The following RESF1 variants were observed in gnomAD, a reference collection of about 807,000 sequenced individuals.
RESF1 encodes gonad expressed transcript.
Under a neutral mutation model 134.7 loss-of-function variants are expected in RESF1, and 65 were observed. That is an observed-to-expected ratio of 0.48 (90% confidence interval 0.40 to 0.59). RESF1 has a LOEUF of 0.59. Among genes scored for constraint, RESF1 ranks in the 20% least tolerant of loss-of-function variants. The pLI is 0.00. For missense variants in RESF1, 2,274 were observed against 2,002.7 expected (o/e 1.14, Z -2.59); for synonymous variants, 762 against 702.2 (o/e 1.09, Z -1.35).
chr12:31,989,017 G>A (rs1187014043), intron 5 of RESF1, among the ~76,000 whole-genome samples: 2 of 151,904 alleles, frequency 1.3e-5, no homozygotes, highest in Non-Finnish European at 2.9e-5. Flanking sequence ...AATTAGTGGA[G>A]TGAAAGTACC....
intron 5 of RESF1, among the ~76,000 whole-genome samples, chr12:31,991,910 C>T (rs1490566705): frequency 6.6e-6 from 1 of 152,166 alleles, no homozygotes; most frequent in Non-Finnish European, 1.5e-5. Flanking sequence ...TAATGTAACA[C>T]TGAAATGGTC....
chr12:31,976,677 C>T (rs1354336153), intron 3 of RESF1, among the ~76,000 whole-genome samples: 1 of 151,388 alleles, frequency 6.6e-6, no homozygotes. Flanking sequence ...AGCGAGACTC[C>T]ATCTCAAAAA....
intron 2 of RESF1, among the ~76,000 whole-genome samples, chr12:31,966,058 G>A (rs1478637547): frequency 6.6e-6 from 1 of 151,990 alleles, no homozygotes; most frequent in Non-Finnish European, 1.5e-5. Context: ...TCTAGTACAC[G>A]GTGTGTCCAA....
chr12:31,984,942 G>C lies in RESF1; in HGVS notation c.3987G>C (p.Gln1329His). The C allele has an allele frequency of 6.2e-7, 1 of 1,613,352 alleles. No homozygotes were observed. The highest frequency in any genetic ancestry group is 8.5e-7 in the Non-Finnish European group (1 of 1,179,838). ...QETRQKKHVTQNSRPLKTKTA... is the reference protein window; with the variant it reads ...QETRQKKHVTHNSRPLKTKTA... ...CCCGACAGAAGAAACATGTAACACAGAACTCACGTCCACTAAAAACAAAAA... is the reference window on the plus strand; with the variant it reads ...CCCGACAGAAGAAACATGTAACACACAACTCACGTCCACTAAAAACAAAAA... Residue 1329 changes from glutamine to histidine, a missense_variant, in exon 4 of 6, where the codon CAG becomes CAC. Coordinates refer to ENST00000312561, the MANE Select transcript of RESF1 (RefSeq NM_018169.4).
rs746818009 is a variant in RESF1 at position 31,987,269 on chromosome 12, G to A, written c.5033G>A (p.Trp1678Ter). The A allele has an allele frequency of 3.1e-6, 5 of 1,598,406 alleles. No homozygotes were observed. Among genetic ancestry groups the A allele is most frequent in the African/African-American group, 2.7e-5 (2 of 74,520 alleles). ...VSGIKSTKEDWLKFVATKKRT... is the reference protein window; with the variant it reads ...VSGIKSTKED ...GGAATAAAAAGTACAAAAGAAGACT[G>A]GTTAAAATTTGTTGCTACAAAGAAA... The change falls in exon 5 of 6, where the codon TGG (tryptophan) becomes TAG (stop). Residue 1678 changes from tryptophan to a stop codon, truncating the protein, a stop_gained. Coordinates refer to ENST00000312561, the MANE Select transcript of RESF1 (RefSeq NM_018169.4). LOFTEE classifies it high-confidence loss of function.
intron 2 of RESF1, among the ~76,000 whole-genome samples, chr12:31,968,497 G>T (rs1939445099): frequency 6.7e-6 from 1 of 148,830 alleles, no homozygotes; most frequent in African/African-American, 2.5e-5. Flanking sequence ...CGCCCAAGCT[G>T]GACTGCAGTG....
rs371268202 is a variant in RESF1, at chr12:31,984,470, G to A, written c.3515G>A (p.Cys1172Tyr). Residue 1172 changes from cysteine to tyrosine, a missense_variant, in exon 4 of 6, where the codon TGC becomes TAC. Physicochemically the swap from Cys to Tyr is radical, Grantham distance 194. Transcript: ENST00000312561. Reference sequence around the variant, plus strand: ...GACTCTGAGAAAGATGATATCCACTGCTGTGCATTGGGCTGGCTCTCCATG... The same window carrying A: ...GACTCTGAGAAAGATGATATCCACTACTGTGCATTGGGCTGGCTCTCCATG... ...ILDSEKDDIHCCALGWLSMVY... is the reference protein window; with the variant it reads ...ILDSEKDDIHYCALGWLSMVY... 1.1e-5 allele frequency: 18 copies of A among 1,613,518 alleles called. No individual in the cohort carries two copies. Among genetic ancestry groups the A allele is most frequent in the Non-Finnish European group, 1.4e-5 (16 of 1,179,584 alleles).
At chr12:31,967,365 A>G (rs1592250897) in intron 2 of RESF1, among the ~76,000 whole-genome samples, 1 of 152,252 alleles carries the variant, frequency 6.6e-6, no homozygotes, top group African/African-American at 2.4e-5. Flanking sequence ...TATATGAAGC[A>G]TTCCACATAG....
Position 31,980,877 on chromosome 12 carries a change from G to C in RESF1, c.-78-1G>C. ...TAATAAAATATCTTTATTTCTTACA[G>C]ATTCCTGACATTCAGACAACTGACT... is the stretch of plus-strand genomic sequence containing the variant. On this transcript the variant is annotated splice_acceptor_variant, in intron 3 of 5. Coordinates refer to ENST00000312561, the MANE Select transcript of RESF1 (RefSeq NM_018169.4). LOFTEE classifies it low-confidence loss of function (5UTR_SPLICE). 1 of 1,055,026 alleles carries C rather than the reference G, an allele frequency of 9.5e-7. No homozygotes were observed. The highest frequency in any genetic ancestry group is 1.4e-6 in the Non-Finnish European group (1 of 725,706). The allele number at this position is 1,055,026 out of a possible 1,614,324, so 65.4% of individuals were successfully genotyped here.
chr12:31,985,253 C>A lies in RESF1; in HGVS notation c.4298C>A (p.Thr1433Lys), dbSNP rs143088372. The A allele has an allele frequency of 1.5e-5, 24 of 1,609,796 alleles. No homozygotes were observed. Among genetic ancestry groups the A allele is most frequent in the Non-Finnish European group, 2.0e-5 (24 of 1,178,994 alleles). ...GTATCAAATACTAAGTCTGTAGACACGAAAGCGAGTTCATCTAAATTTAGT... is the reference window on the plus strand; with the variant it reads ...GTATCAAATACTAAGTCTGTAGACAAGAAAGCGAGTTCATCTAAATTTAGT... ...KMVSNTKSVD[T>K]KASSSKFSRI... The change falls in exon 4 of 6, where the codon ACG (threonine) becomes AAG (lysine). Residue 1433 changes from threonine (T) to lysine (K), a missense_variant. Transcript: ENST00000312561.
In RESF1 at chr12:31,985,689, G is replaced by T. The variant is rs763930201; in HGVS notation, c.4734G>T (p.Lys1578Asn). Reference sequence around the variant, plus strand: ...TGCCTCCCCAAGTAAAGGATCAAAAGAAATTATATCTGAATAGAGTTGGGT... The same window carrying T: ...TGCCTCCCCAAGTAAAGGATCAAAATAAATTATATCTGAATAGAGTTGGGT... ...SQMPPQVKDQ[K>N]KLYLNRVGFK... The change falls in exon 4 of 6, where the codon AAG becomes AAT. Residue 1578 changes from lysine (K) to asparagine (N), a missense_variant. Lys to Asn is a moderately conservative substitution (Grantham distance 94). Coordinates refer to ENST00000312561, the MANE Select transcript of RESF1 (RefSeq NM_018169.4). The T allele has an allele frequency of 8.7e-6, 14 of 1,612,050 alleles. No individual in the cohort carries two copies. In the East Asian group the frequency reaches 2.0e-4, roughly 23 times the overall value.
rs774658680 is a variant in RESF1 at position 31,983,165 on chromosome 12, C to T, written c.2210C>T (p.Ala737Val). The T allele has an allele frequency of 1.2e-6, 2 of 1,611,412 alleles. No homozygotes were observed. Among genetic ancestry groups the T allele is most frequent in the Non-Finnish European group, 1.7e-6 (2 of 1,179,134 alleles). ...NKISNPSQQTALSMVMHNYES... is the reference protein window; with the variant it reads ...NKISNPSQQTVLSMVMHNYES... The stretch of plus-strand genomic sequence containing the variant: ...ATAAGTAATCCCTCACAGCAGACAG[C>T]TTTGTCGATGGTAATGCACAATTAT... The change falls in exon 4 of 6, where the codon GCT (alanine) becomes GTT (valine). Residue 737 changes from alanine to valine, a missense_variant. Physicochemically the swap from Ala to Val is moderately conservative, Grantham distance 64 (BLOSUM62 0). Coordinates refer to ENST00000312561, the MANE Select transcript of RESF1 (RefSeq NM_018169.4).
rs755802195 is a variant in RESF1, at chr12:31,985,606, G to C, written c.4651G>C (p.Asp1551His). 11 of 1,605,408 alleles carry C rather than the reference G, an allele frequency of 6.9e-6. No individual in the cohort carries two copies. The South Asian group carries it at 1.2e-4, about 18-fold the overall frequency. Residue 1551 changes from aspartate (D) to histidine (H), a missense_variant, in exon 4 of 6, where the codon GAT (aspartate) becomes CAT (histidine). By Grantham distance (81) the Asp-to-His change is moderately conservative (BLOSUM62 -1). Coordinates refer to ENST00000312561, the MANE Select transcript of RESF1 (RefSeq NM_018169.4). ...GGKQPDKIWI[D>H]KTKLDKLTNI... The stretch of plus-strand genomic sequence containing the variant: ...GAAGCAGCCTGATAAAATATGGATT[G>C]ATAAGACTAAATTAGACAAATTAAC...
intron 2 of RESF1, among the ~76,000 whole-genome samples, chr12:31,962,992 G>T (rs922127863): frequency 6.6e-6 from 1 of 152,040 alleles, no homozygotes; most frequent in Non-Finnish European, 1.5e-5. Flanking sequence ...CCGGCTATCC[G>T]GGAGGCAGAG....
chr12:31,976,584 G>A (rs148614656), intron 3 of RESF1, among the ~76,000 whole-genome samples: 6 of 152,190 alleles, frequency 3.9e-5, no homozygotes, highest in Non-Finnish European at 7.4e-5. Context: ...TCGGGAGGCT[G>A]AGACAGGAGA....
At chr12:31,987,113 G>T (rs544800970) in intron 4 of RESF1, 126 bp from the exon 5 acceptor site, 2 of 595,500 alleles carry the variant, frequency 3.4e-6, no homozygotes, top group East Asian at 3.1e-5. Context: ...TTTTAGAGTT[G>T]TGTTACATGT....
At chr12:31,991,691 G>A (rs1565490339) in intron 5 of RESF1, among the ~76,000 whole-genome samples, 1 of 152,018 alleles carries the variant, frequency 6.6e-6, no homozygotes, top group Non-Finnish European at 1.5e-5. Flanking sequence ...GTGTGATATC[G>A]GCTCACTGCA....
chr12:31,984,555 AGAG>A lies in RESF1; in HGVS notation c.3601_3603del (p.Glu1201del). 1 of 1,587,646 alleles carries A rather than the reference AGAG, an allele frequency of 6.3e-7. No homozygotes were observed. The highest frequency in any genetic ancestry group is 1.1e-5 in the South Asian group (1 of 87,140). On this transcript the variant is annotated inframe_deletion, in exon 4 of 6. Coordinates refer to ENST00000312561, the MANE Select transcript of RESF1 (RefSeq NM_018169.4). ...CCATCAAGAACTCATCTTCAGAGGA[AGAG>A]AAACAAAAAGAGCAGTGTTCTCCTT...
chr12:31,983,409 TAGTGGACCAGTAGCA>T lies in RESF1; in HGVS notation c.2458_2472del (p.Gly820_Ser824del). ...CAACTGCTGCTTTGAAAGTTGATGT[TAGTGGACCAGTAGCA>T]AGTACAGCAACATCAACCAAGATTT... On this transcript the variant is annotated inframe_deletion, in exon 4 of 6. Transcript: ENST00000312561. 1 of 1,614,062 alleles carries T rather than the reference TAGTGGACCAGTAGCA, an allele frequency of 6.2e-7. No individual in the cohort carries two copies. The highest frequency in any genetic ancestry group is 1.3e-5 in the African/African-American group (1 of 75,062).
Sources: gnomAD v4.1 joint callset for allele counts (sites outside exome capture counted in the v4.1 genomes callset) on GRCh38, gnomAD v4.1.1 for gene constraint, MANE v1.5 for transcripts, NCBI Gene and HGNC (gene_info 2026-07-23, HGNC 2026-07-21) for gene names.